CDC42SE2: variants seen among roughly 807,000 people sequenced by gnomAD.
CDC42SE2 encodes the protein CDC42 small effector 2.
Under a neutral mutation model 11.5 loss-of-function variants are expected in CDC42SE2, and 3 were observed. That is an observed-to-expected ratio of 0.26 (90% CI 0.12 to 0.67). CDC42SE2 has a LOEUF of 0.67. CDC42SE2 is among the 30% of genes least tolerant of loss of function. The pLI is 0.80. For synonymous variants in CDC42SE2, 33 were observed against 34.8 expected, an observed-to-expected ratio of 0.95 and a Z score of 0.18; for missense variants, 82 against 106.8, an observed-to-expected ratio of 0.77 and a Z score of 1.02.
chr5:131,338,037 C>G (rs111549915), intron 2 of CDC42SE2, among the ~76,000 whole-genome samples: 163 of 152,380 alleles, frequency 1.1e-3, no homozygotes, highest in African/African-American at 3.5e-3. Flanking sequence ...CACCCATCTT[C>G]TGCGTCGCTC....
intron 1 of CDC42SE2, among the ~76,000 whole-genome samples, chr5:131,291,558 C>A (rs1038078425): frequency 6.6e-6 from 1 of 152,024 alleles, no homozygotes. Flanking sequence ...ATTATAGAGT[C>A]CAGCATGCTC....
In CDC42SE2 at chr5:131,372,065, T is replaced by C. The variant is rs79632582; in HGVS notation, c.54+12518T>C. ...CTTGCAGTGTCTACCTGGGTAACAG[T>C]TGGGTGATGTCTTCATTGGGATCTT... On this transcript the variant is annotated intron_variant, in intron 3 of 4. Transcript: ENST00000505065. 3.7e-3 allele frequency among the ~76,000 whole-genome samples: 559 copies of C among 152,296 alleles called. 3 individuals are homozygous for C. The highest frequency in any genetic ancestry group is 6.2e-3 in the Non-Finnish European group (423 of 68,020).
the CDC42SE2 span, among the ~76,000 whole-genome samples, chr5:131,228,180 C>G: frequency 6.6e-6 from 1 of 151,980 alleles, no homozygotes; most frequent in Non-Finnish European, 1.5e-5. Context: ...GCACTCCAGC[C>G]TGGGAGACAG....
chr5:131,231,618 C>T, the CDC42SE2 span, among the ~76,000 whole-genome samples: 1 of 152,012 alleles, frequency 6.6e-6, no homozygotes, highest in Non-Finnish European at 1.5e-5. Flanking sequence ...ATTATCTTGT[C>T]TTTTACTTGT....
At chr5:131,313,118 G>T (rs1757965152) in intron 1 of CDC42SE2, among the ~76,000 whole-genome samples, 1 of 151,972 alleles carries the variant, frequency 6.6e-6, no homozygotes. Flanking sequence ...TTGTAGCTGG[G>T]ACTACAGGTG....
chr5:131,286,155 A>G (rs577108660), intron 1 of CDC42SE2, among the ~76,000 whole-genome samples: 59 of 151,352 alleles, frequency 3.9e-4, no homozygotes, highest in African/African-American at 1.3e-3. Context: ...CCTGGGCTCA[A>G]GCAATCCTCC....
chr5:131,303,764 A>G (rs1318986112), intron 1 of CDC42SE2, among the ~76,000 whole-genome samples: 2 of 152,174 alleles, frequency 1.3e-5, no homozygotes, highest in Non-Finnish European at 2.9e-5. Flanking sequence ...GAGTTGTGCC[A>G]TTTGGGATGA....
chr5:131,352,466 A>T (rs555708425), intron 2 of CDC42SE2, among the ~76,000 whole-genome samples: 1 of 152,240 alleles, frequency 6.6e-6, no homozygotes, highest in Non-Finnish European at 1.5e-5. Flanking sequence ...TTATATTTAC[A>T]TGAAACTATA....
the CDC42SE2 span, among the ~76,000 whole-genome samples, chr5:131,237,242 G>T: frequency 6.6e-6 from 1 of 152,180 alleles, no homozygotes; most frequent in Non-Finnish European, 1.5e-5. Context: ...GAGGCAGACT[G>T]CCTCAATCAG....
chr5:131,267,375 C>A (rs570176030), intron 1 of CDC42SE2, among the ~76,000 whole-genome samples: 2 of 151,496 alleles, frequency 1.3e-5, no homozygotes, highest in South Asian at 4.2e-4. Flanking sequence ...TTTTTTTGTA[C>A]CTTAAAAATA....
At chr5:131,381,477 C>A (rs564262752) in intron 3 of CDC42SE2, among the ~76,000 whole-genome samples, 61 of 152,268 alleles carry the variant, frequency 4.0e-4, no homozygotes, top group African/African-American at 1.4e-3. Flanking sequence ...CACCTGCTAC[C>A]ACGCCTGGCT....
intron 2 of CDC42SE2, among the ~76,000 whole-genome samples, chr5:131,334,175 G>C (rs552645465): frequency 5.1e-4 from 78 of 152,180 alleles, no homozygotes; most frequent in African/African-American, 1.6e-3. Context: ...TAGCATGAAG[G>C]GTTGTTGAAT....
the CDC42SE2 span, among the ~76,000 whole-genome samples, chr5:131,221,383 T>C: frequency 3.3e-5 from 5 of 152,116 alleles, no homozygotes; most frequent in Admixed American, 2.0e-4. Context: ...TCTTCCAATG[T>C]GGCCCAGGGA....
At chr5:131,260,438 C>T (rs1447000886), upstream of CDC42SE2, among the ~76,000 whole-genome samples, 2 of 151,926 alleles carry the variant, frequency 1.3e-5, no homozygotes, top group Non-Finnish European at 2.9e-5. Context: ...GCCTGGCCGA[C>T]ATGGTGAAAC....
chr5:131,228,067 C>T, the CDC42SE2 span, among the ~76,000 whole-genome samples: 3 of 152,176 alleles, frequency 2.0e-5, no homozygotes, highest in African/African-American at 7.2e-5. Context: ...AATAGCCAGG[C>T]ATGGTGGTGT....
chr5:131,359,649 T>C, intron 3 of CDC42SE2, 102 bp downstream of exon 3: 1 of 827,944 alleles, frequency 1.2e-6, no homozygotes, highest in Admixed American at 1.7e-5. Flanking sequence ...GCAAAGCAGT[T>C]GTAGAGAATA....
At chr5:131,333,825 CTT>C (rs1212081377) in intron 2 of CDC42SE2, among the ~76,000 whole-genome samples, 3 of 152,186 alleles carry the variant, frequency 2.0e-5, no homozygotes, top group Admixed American at 6.5e-5. Flanking sequence ...TATCGTGAGA[CTT>C]TGCTGAAGTT....
At chr5:131,294,181 G>A (rs765625481) in intron 1 of CDC42SE2, among the ~76,000 whole-genome samples, 2 of 152,082 alleles carry the variant, frequency 1.3e-5, no homozygotes, top group Non-Finnish European at 2.9e-5. Context: ...ATCTTTAAGC[G>A]GATAGGCTGA....
At chr5:131,275,699 A>G (rs886606182) in intron 1 of CDC42SE2, among the ~76,000 whole-genome samples, 1 of 151,808 alleles carries the variant, frequency 6.6e-6, no homozygotes, top group Admixed American at 6.6e-5. Context: ...TTTTTGCTAA[A>G]CTTCTTTTGT....
Sources: allele counts gnomAD v4.1 joint callset (sites outside exome capture counted in the v4.1 genomes callset), GRCh38; gene constraint gnomAD v4.1.1; transcripts MANE v1.5; gene names NCBI Gene and HGNC (gene_info 2026-07-23, HGNC 2026-07-21).